The following TRHDE variants were observed in gnomAD, a reference collection of about 807,000 sequenced individuals.
TRHDE encodes the protein thyrotropin releasing hormone degrading enzyme.
In TRHDE, 72 loss-of-function variants were observed where a neutral mutation model predicts 125.7. The observed-to-expected ratio is 0.57, with a 90% CI of 0.47 to 0.70. The LOEUF (loss-of-function observed/expected upper bound fraction) is 0.70, where lower values mean the gene tolerates loss of function less well. Ranked by LOEUF, TRHDE falls within the 30% of genes least tolerant of loss-of-function variation. The probability of loss-of-function intolerance (pLI) is 0.00; values close to 1 mark genes in which losing one functional copy is unlikely to be tolerated. For missense variants in TRHDE, 1,110 were observed against 1,327.1 expected (o/e 0.84, Z 2.54); for synonymous variants, 509 against 509.1 (o/e 1.00, Z 0.00).
chr12:72,153,642 T>A (rs1360076402), intron 2 of TRHDE, among the ~76,000 whole-genome samples: 1 of 152,124 alleles, frequency 6.6e-6, no homozygotes, highest in Non-Finnish European at 1.5e-5. Flanking sequence ...TCTGCCTTCA[T>A]TTTGTTATGT....
chr12:72,173,349 T>A (rs1489228265), intron 2 of TRHDE, among the ~76,000 whole-genome samples: 2 of 152,178 alleles, frequency 1.3e-5, no homozygotes, highest in African/African-American at 4.8e-5. Context: ...ACTATTCAGG[T>A]GCTCACCAGC....
At chr12:72,290,504 T>G (rs1038498635) in intron 2 of TRHDE, among the ~76,000 whole-genome samples, 28 of 152,224 alleles carry the variant, frequency 1.8e-4, no homozygotes, top group African/African-American at 6.8e-4. Context: ...AACAGCCATT[T>G]TATTATGTTC....
At chr12:72,568,899 A>G (rs1247565494) in intron 10 of TRHDE, among the ~76,000 whole-genome samples, 1 of 152,186 alleles carries the variant, frequency 6.6e-6, no homozygotes, top group African/African-American at 2.4e-5. Flanking sequence ...AAATAAGTGT[A>G]ATACTAATCT....
In TRHDE at chr12:72,653,073, C is replaced by T. The variant is rs1374799607; in HGVS notation, c.2901C>T (p.Val967=). The change falls in exon 17 of 19, where the codon GTC becomes GTT. Residue 967 remains valine, a synonymous_variant. Transcript: ENST00000261180. ...TGCTGGATCAAGATGCAATTGATGTCATAATCCATGTAGCTCGAAATCCAC... is the reference window on the plus strand; with the variant it reads ...TGCTGGATCAAGATGCAATTGATGTTATAATCCATGTAGCTCGAAATCCAC... ...EVVLDQDAID[V]IIHVARNPHG... The T allele has an allele frequency of 1.2e-6, 2 of 1,608,408 alleles. No homozygotes were observed. Among genetic ancestry groups the T allele is most frequent in the African/African-American group, 2.7e-5 (2 of 74,576 alleles).
At position 72,638,804 on chromosome 12, in the gene TRHDE, CT is replaced by C. The variant is rs558530425; in HGVS notation, c.2676-13514del. On this transcript the variant is annotated intron_variant, in intron 15 of 18. Transcript: ENST00000261180. ...GATATGAAATTCTGGGTTGAAAATT[CT>C]TTTCTTTAAGAATGTTGAATATTGG... Among the ~76,000 whole-genome samples, 186 of 152,186 alleles carry C rather than the reference CT, an allele frequency of 1.2e-3. 3 individuals are homozygous for C. In the East Asian group the frequency reaches 0.029, roughly 24 times the overall value.
At chr12:72,615,459 TATC>T (rs1256142055) in intron 12 of TRHDE, among the ~76,000 whole-genome samples, 7 of 152,124 alleles carry the variant, frequency 4.6e-5, no homozygotes, top group Admixed American at 2.6e-4. Flanking sequence ...TAATCACAGA[TATC>T]ATTACCAGCC....
chr12:72,207,292 T>TA (rs1302735962), intron 2 of TRHDE, among the ~76,000 whole-genome samples: 4 of 152,330 alleles, frequency 2.6e-5, no homozygotes, highest in Middle Eastern at 3.4e-3. Flanking sequence ...TTCTGTTTTT[T>TA]ATCCCATGTA....
At chr12:72,136,843 C>T (rs1303979930) in intron 2 of TRHDE, among the ~76,000 whole-genome samples, 1 of 152,168 alleles carries the variant, frequency 6.6e-6, no homozygotes, top group Non-Finnish European at 1.5e-5. Flanking sequence ...GCACCTACTG[C>T]AGCGTGTTCT....
At chr12:72,269,568 A>G (rs1673238293), upstream of TRHDE, among the ~76,000 whole-genome samples, 1 of 152,180 alleles carries the variant, frequency 6.6e-6, no homozygotes, top group African/African-American at 2.4e-5. Flanking sequence ...AGATGGAGGT[A>G]AAGAGAGGAA....
intron 1 of TRHDE, among the ~76,000 whole-genome samples, chr12:72,279,496 A>T (rs1048767259): frequency 6.6e-6 from 1 of 152,142 alleles, no homozygotes; most frequent in Non-Finnish European, 1.5e-5. Flanking sequence ...TTCAAAGTTC[A>T]TGCCATCCTA....
chr12:72,288,159 C>T (rs1206871102), intron 2 of TRHDE, among the ~76,000 whole-genome samples: 1 of 152,042 alleles, frequency 6.6e-6, no homozygotes, highest in Non-Finnish European at 1.5e-5. Flanking sequence ...TGTGATTCTT[C>T]TCATCCAGTA....
intron 3 of TRHDE, among the ~76,000 whole-genome samples, chr12:72,383,185 T>C (rs1398086415): frequency 6.6e-6 from 1 of 152,274 alleles, no homozygotes; most frequent in East Asian, 1.9e-4. Context: ...CCTTTCTATA[T>C]CTATGCGCCC....
intron 2 of TRHDE, among the ~76,000 whole-genome samples, chr12:72,323,825 C>T (rs1042903575): frequency 4.9e-5 from 4 of 81,110 alleles, no homozygotes; most frequent in Non-Finnish European, 9.6e-5. Context: ...AATTATGGAG[C>T]GAGAGAGAAA....
intron 7 of TRHDE, among the ~76,000 whole-genome samples, chr12:72,556,861 C>T (rs886117182): frequency 1.3e-5 from 2 of 152,196 alleles, no homozygotes; most frequent in African/African-American, 4.8e-5. Flanking sequence ...ATTTACCTAG[C>T]ATTTCCAGAC....
At chr12:72,135,123 T>C (rs1875952281) in intron 2 of TRHDE, among the ~76,000 whole-genome samples, 1 of 152,096 alleles carries the variant, frequency 6.6e-6, no homozygotes, top group Non-Finnish European at 1.5e-5. Context: ...AAACTGGCAA[T>C]AAGCCCAGGG....
intron 2 of TRHDE, among the ~76,000 whole-genome samples, chr12:72,119,887 A>G (rs1875534813): frequency 6.6e-6 from 1 of 151,792 alleles, no homozygotes; most frequent in African/African-American, 2.4e-5. Flanking sequence ...ATGTTTTTCC[A>G]TCCTTTTATT....
intron 6 of TRHDE, among the ~76,000 whole-genome samples, chr12:72,514,505 C>A (rs986967807): frequency 6.6e-6 from 1 of 151,728 alleles, no homozygotes; most frequent in South Asian, 2.1e-4. Flanking sequence ...AGAATTATAA[C>A]CTAAATGGTA....
At chr12:72,149,330 G>A (rs2139319787) in intron 2 of TRHDE, among the ~76,000 whole-genome samples, 1 of 152,172 alleles carries the variant, frequency 6.6e-6, no homozygotes, top group East Asian at 1.9e-4. Context: ...GAGAGAAAAA[G>A]GAAGAATTTA....
chr12:72,496,497 A>G (rs936246537), intron 5 of TRHDE, among the ~76,000 whole-genome samples: 1 of 152,146 alleles, frequency 6.6e-6, no homozygotes, highest in African/African-American at 2.4e-5. Context: ...CTTATTTACT[A>G]TCAGGAGAAC....
Sources: allele counts gnomAD v4.1 joint callset (sites outside exome capture counted in the v4.1 genomes callset), GRCh38; gene constraint gnomAD v4.1.1; transcripts MANE v1.5; gene names NCBI Gene and HGNC (gene_info 2026-07-23, HGNC 2026-07-21).